Variants in POU2F2 observed in about 807,000 individuals in gnomAD.
POU2F2 encodes POU domain, class 2, transcription factor 2.
POU2F2 carries 14 observed loss-of-function variants against 63.5 expected under a neutral mutation model. The ratio of observed to expected loss-of-function variants is 0.22; its 90% CI spans 0.15 to 0.34. The LOEUF is 0.34. POU2F2 is among the 10% of genes least tolerant of loss of function. POU2F2 has a pLI of 1.00. For missense variants in POU2F2, 607 were observed against 815.2 expected (o/e 0.74, Z 3.11); for synonymous variants, 306 against 348.6 (o/e 0.88, Z 1.36).
In POU2F2 at chr19:42,095,778, C is replaced by T; in HGVS notation, c.871+10G>A. ...CCGCCCCCTACGCGGGAACCCCAGC[C>T]TGGTCCCACCTGCATCGTTGAGCCA... On this transcript the variant is annotated intron_variant, in intron 9 of 14. Coordinates refer to ENST00000692977, the MANE Select transcript of POU2F2 (RefSeq NM_001394376.1). This position sits in a 1 kb window ranked among gnomAD's most constrained non-coding sequence, Gnocchi z 7.1. 1 of 1,613,952 alleles carries T rather than the reference C, an allele frequency of 6.2e-7. No homozygotes were observed. Among genetic ancestry groups the T allele is most frequent in the African/African-American group, 1.3e-5 (1 of 75,046 alleles).
At chr19:42,122,685 A>G in intron 1 of POU2F2, 109 bp from the exon 2 acceptor site, 1 of 954,212 alleles carries the variant, frequency 1.0e-6, no homozygotes, top group Non-Finnish European at 1.5e-6. Flanking sequence ...TTCCCCCCTT[A>G]CCCCCAGCCA....
chr19:42,110,340 A>G (rs2030875145), intron 5 of POU2F2, among the ~76,000 whole-genome samples: 1 of 152,172 alleles, frequency 6.6e-6, no homozygotes, highest in Non-Finnish European at 1.5e-5. Flanking sequence ...GCTTTCTGAC[A>G]CTCTGAGTAA....
At chr19:42,106,007 C>CTTTCTT (rs1380695099) in intron 5 of POU2F2, among the ~76,000 whole-genome samples, 3 of 119,882 alleles carry the variant, frequency 2.5e-5, no homozygotes, top group Non-Finnish European at 3.6e-5. Flanking sequence ...TTTTTTCTTT[C>CTTTCTT]TTTCTTTCTT....
At chr19:42,122,283 C>A in intron 3 of POU2F2, 61 bp downstream of exon 3, 1 of 1,548,234 alleles carries the variant, frequency 6.5e-7, no homozygotes, top group South Asian at 1.2e-5. Flanking sequence ...GCACAGAGCC[C>A]CCTCTGAACC....
rs930098403 is a variant in POU2F2 at position 42,162,859 on chromosome 19, G to A, written c.-69-2467C>T. On this transcript the variant is annotated intron_variant, in intron 1 of 6. Transcript: ENST00000524801. This position sits in a 1 kb window ranked among gnomAD's most constrained non-coding sequence, Gnocchi z 4.1. ...CAGAATGCCCACATACAACCCCACC[G>A]ATAGACAGATGGAAACACTGGCACC... Among the ~76,000 whole-genome samples the A allele has an allele frequency of 6.6e-6, 1 of 152,106 alleles. No homozygotes were observed. Among genetic ancestry groups the A allele is most frequent in the African/African-American group, 2.4e-5 (1 of 41,428 alleles).
At chr19:42,151,267 G>A (rs1423288051) in intron 2 of POU2F2, among the ~76,000 whole-genome samples, 1 of 151,992 alleles carries the variant, frequency 6.6e-6, no homozygotes, top group Non-Finnish European at 1.5e-5. Flanking sequence ...CTGGTACTCA[G>A]GGAAGCGGGG....
chr19:42,150,289 G>A (rs148956700), intron 2 of POU2F2, among the ~76,000 whole-genome samples: 188 of 152,072 alleles, frequency 1.2e-3, no homozygotes, highest in African/African-American at 4.4e-3. Flanking sequence ...AGGCCTAGAT[G>A]GGGGGTGGAA....
chr19:42,189,698 G>A (rs1328653540), intron 1 of POU2F2, among the ~76,000 whole-genome samples: 3 of 152,148 alleles, frequency 2.0e-5, no homozygotes, highest in Admixed American at 6.6e-5. Flanking sequence ...ATAGCCTGGA[G>A]GAAGGTAGAG....
In POU2F2 at chr19:42,087,411, T is replaced by C. The variant is rs1386206981; in HGVS notation, c.*3846A>G. 1 of 152,060 alleles carries C rather than the reference T, an allele frequency of 6.6e-6. No homozygotes were observed. The highest frequency in any genetic ancestry group is 1.5e-5 in the Non-Finnish European group (1 of 68,020). The allele number at this position is 152,060 out of a possible 1,614,324, so 9.4% of individuals were successfully genotyped here. On this transcript the variant is annotated 3_prime_UTR_variant, in exon 15 of 15. Coordinates refer to ENST00000692977, the MANE Select transcript of POU2F2 (RefSeq NM_001394376.1). ...GTCCCTCGCCAGATCTCCCCAGGGCTTGGAGAGCCCGTCATGGCCTTCTCC... is the reference window on the plus strand; with the variant it reads ...GTCCCTCGCCAGATCTCCCCAGGGCCTGGAGAGCCCGTCATGGCCTTCTCC...
chr19:42,160,924 T>A (rs932922419), intron 1 of POU2F2, among the ~76,000 whole-genome samples: 3 of 152,240 alleles, frequency 2.0e-5, no homozygotes, highest in Admixed American at 6.5e-5. Flanking sequence ...CATAATGATA[T>A]TTCTGACTTG....
chr19:42,122,303 A>G (rs751129250), intron 3 of POU2F2, 41 bp downstream of exon 3: 4 of 927,008 alleles, frequency 4.3e-6, no homozygotes, highest in East Asian at 6.2e-5. Context: ...CCCTCTCCCC[A>G]TTCCTTCCCA....
chr19:42,116,844 G>A, intron 5 of POU2F2: 1 of 406,764 alleles, frequency 2.5e-6, no homozygotes, highest in Non-Finnish European at 4.9e-6. Flanking sequence ...AGGCAGAGGA[G>A]GAGGAGGAGG....
chr19:42,091,019 C>A lies in POU2F2; in HGVS notation c.*238G>T. The stretch of plus-strand genomic sequence containing the variant: ...TTGGTTTTTTTTTGTTTGTTTTTCA[C>A]CTCTGGTTCCTTTGGGGCAGCTGGT... On this transcript the variant is annotated 3_prime_UTR_variant, in exon 15 of 15. Transcript: ENST00000692977. The A allele has an allele frequency of 1.0e-4, 30 of 293,484 alleles. No homozygotes were observed. Among genetic ancestry groups the A allele is most frequent in the East Asian group, 2.1e-4 (4 of 18,660 alleles). The allele number at this position is 293,484 out of a possible 1,614,324, so 18.2% of individuals were successfully genotyped here.
intron 1 of POU2F2, among the ~76,000 whole-genome samples, chr19:42,174,400 T>C (rs978926347): frequency 1.2e-4 from 18 of 152,324 alleles, no homozygotes; most frequent in Admixed American, 6.5e-4. Flanking sequence ...ACTCGGCACA[T>C]GGGCCTGCAC....
upstream of POU2F2, among the ~76,000 whole-genome samples, chr19:42,133,721 T>C (rs538437251): frequency 2.6e-5 from 4 of 152,170 alleles, no homozygotes; most frequent in South Asian, 4.2e-4. This position sits in a 1 kb window ranked among gnomAD's most constrained non-coding sequence, Gnocchi z 5.1. Context: ...GTCACTCCCA[T>C]ATACTGATAC....
intron 2 of POU2F2, among the ~76,000 whole-genome samples, chr19:42,141,585 G>A (rs1312407295): frequency 6.8e-6 from 1 of 147,542 alleles, no homozygotes; most frequent in African/African-American, 2.5e-5. Flanking sequence ...GTGTTCAAGC[G>A]ATTCTCCTGC....
upstream of POU2F2, among the ~76,000 whole-genome samples, chr19:42,178,208 C>T (rs187621780): frequency 1.3e-3 from 193 of 151,712 alleles, no homozygotes; most frequent in African/African-American, 4.2e-3. Flanking sequence ...CACAGAGACA[C>T]TCAGAGACAA....
chr19:42,170,789 C>T (rs1242897302), intron 1 of POU2F2, among the ~76,000 whole-genome samples: 1 of 152,276 alleles, frequency 6.6e-6, no homozygotes, highest in South Asian at 2.1e-4. Context: ...GAAACCCACC[C>T]TGCTGCAACA....
At chr19:42,099,423 G>T in intron 7 of POU2F2, 104 bp downstream of exon 7, 1 of 1,031,674 alleles carries the variant, frequency 9.7e-7, no homozygotes, top group Non-Finnish European at 1.5e-6. Flanking sequence ...GTGTGGCTGG[G>T]TCAAATGGAA....
Sources: allele counts gnomAD v4.1 joint callset (sites outside exome capture counted in the v4.1 genomes callset), GRCh38; gene constraint gnomAD v4.1.1; non-coding constraint Gnocchi (gnomAD v3.1); transcripts MANE v1.5; gene names NCBI Gene and HGNC (gene_info 2026-07-23, HGNC 2026-07-21).